The following MROH2B variants were observed in gnomAD, a reference collection of about 807,000 sequenced individuals.
The protein encoded by MROH2B is maestro heat like repeat family member 2B.
A neutral mutation model predicts 208.6 loss-of-function variants in MROH2B; 177 were observed. The observed-to-expected ratio is 0.85, with a 90% CI of 0.75 to 0.96. The LOEUF (loss-of-function observed/expected upper bound fraction) is 0.96. MROH2B is among the 40% of genes least tolerant of loss of function. MROH2B has a pLI of 0.00. For synonymous variants in MROH2B, 728 were observed against 659.0 expected (o/e 1.10, Z -1.60); for missense variants, 2,002 against 1,878.7 (o/e 1.07, Z -1.21).
intron 29 of MROH2B, among the ~76,000 whole-genome samples, chr5:41,014,482 T>C (rs1561279644): frequency 6.6e-6 from 1 of 152,170 alleles, no homozygotes; most frequent in Middle Eastern, 3.2e-3. Flanking sequence ...ATATACCTAA[T>C]GTTAAATGAT....
intron 3 of MROH2B, among the ~76,000 whole-genome samples, chr5:41,066,277 G>A (rs1743811995): frequency 6.6e-6 from 1 of 152,070 alleles, no homozygotes; most frequent in South Asian, 2.1e-4. Flanking sequence ...ATCCCCTCCT[G>A]AGGAAAATAC....
Position 41,033,101 on chromosome 5 carries a change from T to C in MROH2B, c.2301A>G (p.Gln767=). ...ACTGGAACCCCTGATCCTCAGCATC[T>C]TGGACAGCAATGCCAATCTCAGTGA... The part of the protein sequence containing the change: ...RSITEIGIAV[Q]DAEDQGFQFS... The change falls in exon 23 of 42, where the codon CAA becomes CAG. Residue 767 remains glutamine (Q), a synonymous_variant. Coordinates refer to ENST00000399564, the MANE Select transcript of MROH2B (RefSeq NM_173489.5). The C allele has an allele frequency of 6.2e-7, 1 of 1,613,128 alleles. No homozygotes were observed. The highest frequency in any genetic ancestry group is 8.5e-7 in the Non-Finnish European group (1 of 1,179,306).
chr5:41,013,545 T>C (rs1741840982), intron 29 of MROH2B, among the ~76,000 whole-genome samples: 1 of 152,224 alleles, frequency 6.6e-6, no homozygotes. Flanking sequence ...CCCTTTGCAT[T>C]AAGTAGCCAG....
intron 17 of MROH2B, among the ~76,000 whole-genome samples, chr5:41,046,422 G>A (rs940937215): frequency 6.6e-6 from 1 of 151,080 alleles, no homozygotes; most frequent in Non-Finnish European, 1.5e-5. Context: ...CTTCTTCTTT[G>A]AACAATACAT....
At chr5:41,001,868 C>T (rs1459472218) in intron 37 of MROH2B, among the ~76,000 whole-genome samples, 2 of 151,698 alleles carry the variant, frequency 1.3e-5, no homozygotes, top group African/African-American at 4.8e-5. Context: ...TTTTTAGACC[C>T]AGAAAACTAG....
chr5:41,016,025 T>TAATCATGG (rs1227129198), intron 28 of MROH2B, among the ~76,000 whole-genome samples: 1 of 151,986 alleles, frequency 6.6e-6, no homozygotes, highest in Non-Finnish European at 1.5e-5. Context: ...GAATGTATAT[T>TAATCATGG]AATCATGGAA....
intron 24 of MROH2B, among the ~76,000 whole-genome samples, chr5:41,030,169 C>T (rs1351497126): frequency 6.6e-6 from 1 of 151,934 alleles, no homozygotes; most frequent in Non-Finnish European, 1.5e-5. Flanking sequence ...GTAGACATTT[C>T]TCCAAAAAAG....
At chr5:41,058,915 G>A (rs943839481) in intron 6 of MROH2B, among the ~76,000 whole-genome samples, 1 of 151,750 alleles carries the variant, frequency 6.6e-6, no homozygotes, top group African/African-American at 2.4e-5. Context: ...GGGCATGGTG[G>A]TGGGCGCCTG....
At chr5:41,056,967 A>G in intron 9 of MROH2B, 142 bp downstream of exon 9, 1 of 868,828 alleles carries the variant, frequency 1.2e-6, no homozygotes, top group Middle Eastern at 3.4e-4. Context: ...GGGCAGGCAC[A>G]GAAAACTGTG....
At chr5:41,046,036 T>C (rs932639229) in intron 17 of MROH2B, among the ~76,000 whole-genome samples, 183 bp from the exon 18 acceptor site, 2 of 152,204 alleles carry the variant, frequency 1.3e-5, no homozygotes, top group African/African-American at 4.8e-5. Context: ...CATTTTCTGA[T>C]ATGTTCTGAA....
intron 19 of MROH2B, among the ~76,000 whole-genome samples, chr5:41,039,982 A>C (rs1742892029): frequency 6.6e-6 from 1 of 152,144 alleles, no homozygotes; most frequent in African/African-American, 2.4e-5. Context: ...ATCAGAGAGA[A>C]GGTAAGTGCA....
At chr5:41,049,030 CACTTATTTGGA>C in intron 15 of MROH2B, 60 bp downstream of exon 15, 1 of 1,414,604 alleles carries the variant, frequency 7.1e-7, no homozygotes, top group East Asian at 2.5e-5. Context: ...TTTATATTAG[CACTTATTTGGA>C]ACTGAACTAT....
chr5:41,001,272 T>C (rs976931683), intron 37 of MROH2B, among the ~76,000 whole-genome samples: 6 of 152,162 alleles, frequency 3.9e-5, no homozygotes, highest in Non-Finnish European at 8.8e-5. Context: ...ACACCAAATA[T>C]TTTCTAAAGG....
At chr5:41,059,476 C>T (rs1341006887) in intron 6 of MROH2B, among the ~76,000 whole-genome samples, 3 of 152,102 alleles carry the variant, frequency 2.0e-5, no homozygotes, top group Admixed American at 6.6e-5. Context: ...CCTTTTCTAT[C>T]TGATGTTTGA....
chr5:41,027,431 T>G (rs992684769), intron 24 of MROH2B, among the ~76,000 whole-genome samples: 6 of 151,162 alleles, frequency 4.0e-5, no homozygotes, highest in Non-Finnish European at 7.4e-5. Context: ...AACAGACACA[T>G]GAAAAAATGC....
intron 6 of MROH2B, among the ~76,000 whole-genome samples, chr5:41,061,342 A>C (rs766936221): frequency 6.6e-6 from 1 of 152,200 alleles, no homozygotes; most frequent in Non-Finnish European, 1.5e-5. Context: ...CAACCTCGGC[A>C]TCTGGAATAG....
intron 5 of MROH2B, among the ~76,000 whole-genome samples, chr5:41,063,796 C>T (rs1402592295): frequency 6.6e-6 from 1 of 152,134 alleles, no homozygotes; most frequent in African/African-American, 2.4e-5. Context: ...GACCAGGTCT[C>T]CAGTCTCATC....
At chr5:41,019,598 T>G (rs1335138219) in intron 24 of MROH2B, among the ~76,000 whole-genome samples, 1 of 152,154 alleles carries the variant, frequency 6.6e-6, no homozygotes, top group Non-Finnish European at 1.5e-5. Context: ...AGATATGACT[T>G]CAAAAAATGC....
At chr5:41,033,012 C>G in intron 23 of MROH2B, 29 bp downstream of exon 23, 2 of 1,611,902 alleles carry the variant, frequency 1.2e-6, no homozygotes, top group Non-Finnish European at 1.7e-6. Context: ...ATACTCAGGG[C>G]CTTTCTTATT....
Sources: allele counts gnomAD v4.1 joint callset (sites outside exome capture counted in the v4.1 genomes callset), GRCh38; gene constraint gnomAD v4.1.1; transcripts MANE v1.5; gene names NCBI Gene and HGNC (gene_info 2026-07-23, HGNC 2026-07-21).